Variants in SPOCK2 observed in about 807,000 individuals in gnomAD.
SPOCK2 encodes testican-2.
Under a neutral mutation model 60.1 loss-of-function variants are expected in SPOCK2, and 39 were observed. The ratio of observed to expected loss-of-function variants is 0.65; its 90% CI spans 0.50 to 0.85. The LOEUF is 0.85. Among genes scored for constraint, SPOCK2 ranks in the 40% least tolerant of loss-of-function variants. The probability of loss-of-function intolerance (pLI) is 0.00; values close to 1 mark genes in which losing one functional copy is unlikely to be tolerated. For synonymous variants in SPOCK2, 217 were observed against 231.5 expected (o/e 0.94, Z 0.57); for missense variants, 523 against 567.4 (o/e 0.92, Z 0.80).
chr10:72,066,855 G>A (rs1395024091), intron 8 of SPOCK2, 47 bp downstream of exon 8: 1 of 1,605,830 alleles, frequency 6.2e-7, no homozygotes, highest in Non-Finnish European at 8.5e-7. Context: ...ACTTCGGGTA[G>A]AGCCCACACG....
At chr10:72,077,786 G>A (rs190764149) in intron 1 of SPOCK2, among the ~76,000 whole-genome samples, 8 of 152,204 alleles carry the variant, frequency 5.3e-5, no homozygotes, top group East Asian at 1.9e-4. Context: ...CCTGGAGCAC[G>A]CTTACCGTGC....
intron 4 of SPOCK2, among the ~76,000 whole-genome samples, chr10:72,070,970 TCCA>T (rs1202513116): frequency 6.6e-6 from 1 of 152,142 alleles, no homozygotes; most frequent in Non-Finnish European, 1.5e-5. Flanking sequence ...CTGCCTGCTT[TCCA>T]CCACACCTGT....
At chr10:72,075,844 C>A (rs953183130) in intron 1 of SPOCK2, among the ~76,000 whole-genome samples, 1 of 152,126 alleles carries the variant, frequency 6.6e-6, no homozygotes, top group Non-Finnish European at 1.5e-5. Context: ...CAGAGAGGGA[C>A]GAGGAGAGCA....
In SPOCK2 at chr10:72,067,608, C is replaced by T. The variant is rs1840587541; in HGVS notation, c.709+5G>A. The T allele has an allele frequency of 1.2e-6, 2 of 1,612,342 alleles. No homozygotes were observed. Among genetic ancestry groups the T allele is most frequent in the Non-Finnish European group, 1.7e-6 (2 of 1,179,994 alleles). On this transcript the variant is annotated splice_donor_5th_base_variant and intron_variant, in intron 7 of 10. Transcript: ENST00000373109. ...CTCCTCCAGGCAGAGCAGCAAGCTT[C>T]CTACCGCTGGCCGGGCCGGCTACAC...
rs1305476140 is a variant in SPOCK2, at chr10:72,087,574, C to T, written c.189+566G>A. ...TTCCACCATCTCGCCTAGAAGGCTG[C>T]TGGGACCCCAGACCCAGAGCCCCGG... is the stretch of plus-strand genomic sequence containing the variant. On this transcript the variant is annotated intron_variant, in intron 1 of 10. Transcript: ENST00000373109. The surrounding 1 kb of genome is among the most constrained non-coding windows in gnomAD (Gnocchi z 4.7). 6.6e-6 allele frequency among the ~76,000 whole-genome samples: 1 copy of T among 152,178 alleles called. No homozygotes were observed. Among genetic ancestry groups the T allele is most frequent in the African/African-American group, 2.4e-5 (1 of 41,450 alleles).
intron 1 of SPOCK2, among the ~76,000 whole-genome samples, chr10:72,085,448 C>T (rs1840841950): frequency 6.6e-6 from 1 of 152,242 alleles, no homozygotes; most frequent in African/African-American, 2.4e-5. Flanking sequence ...CTAAGCTGCG[C>T]TCCCTCTCAA....
In SPOCK2 at chr10:72,087,083, G is replaced by T; in HGVS notation, c.189+1057C>A. 7.0e-7 allele frequency: 1 copy of T among 1,419,094 alleles called. No homozygotes were observed. The highest frequency in any genetic ancestry group is 9.5e-7 in the Non-Finnish European group (1 of 1,056,612). 87.9% of individuals were successfully genotyped at this position (1,419,094 alleles called of 1,614,324 possible). ...CACCAGGTCGCCAGGAGCAGCCGGC[G>T]TCGCCTCTGGCGCATCCGGGCCCAT... On this transcript the variant is annotated intron_variant, in intron 1 of 10. Transcript: ENST00000373109. This position sits in a 1 kb window ranked among gnomAD's most constrained non-coding sequence, Gnocchi z 4.7.
At chr10:72,064,145 C>T (rs1840534042) in intron 9 of SPOCK2, 33 bp downstream of exon 9, 2 of 1,609,098 alleles carry the variant, frequency 1.2e-6, no homozygotes, top group Non-Finnish European at 8.5e-7. Flanking sequence ...CCGTCCCCAC[C>T]TCCTCCTCTG....
At chr10:72,078,648 C>T (rs1379464110) in intron 1 of SPOCK2, among the ~76,000 whole-genome samples, 2 of 152,154 alleles carry the variant, frequency 1.3e-5, no homozygotes, top group Admixed American at 6.5e-5. Context: ...TTGATCTCTC[C>T]CTGGCTACCC....
intron 5 of SPOCK2, chr10:72,068,749 G>A (rs56271715): frequency 5.9e-6 from 1 of 169,538 alleles, no homozygotes; most frequent in South Asian, 1.6e-4. Flanking sequence ...ACTTTTCTCA[G>A]TTCTCCTGAT....
chr10:72,088,301 C>T lies in SPOCK2; in HGVS notation c.28G>A (p.Val10Met). 6.3e-7 allele frequency: 1 copy of T among 1,591,626 alleles called. No individual in the cohort carries two copies. Among genetic ancestry groups the T allele is most frequent in the Non-Finnish European group, 8.5e-7 (1 of 1,171,042 alleles). Reference protein sequence around the residue: MRAPGCGRLVLPLLLLAAAA... With the variant: MRAPGCGRLMLPLLLLAAAA... ...GCGGCCAGGAGCAGCAGCGGCAGCA[C>T]CAGCCGCCCGCAGCCCGGGGCGCGC... Residue 10 changes from valine (V) to methionine (M), a missense_variant, in exon 1 of 11, where the codon GTG (valine) becomes ATG (methionine). Coordinates refer to ENST00000373109, the MANE Select transcript of SPOCK2 (RefSeq NM_001244950.2).
rs943769780 is a variant in SPOCK2 at position 72,066,935 on chromosome 10, T to C, written c.895A>G (p.Thr299Ala). 4 of 1,614,010 alleles carry C rather than the reference T, an allele frequency of 2.5e-6. No individual in the cohort carries two copies. Among genetic ancestry groups the C allele is most frequent in the Non-Finnish European group, 3.4e-6 (4 of 1,180,038 alleles). Residue 299 changes from threonine (T) to alanine (A), a missense_variant, in exon 8 of 11, where the codon ACT becomes GCT. Transcript: ENST00000373109. ...CAGAAGCAGAAGCACCACTCAGCAG[T>C]AGAGACCCGGCCATCCTTGTAGGTG... ...CDTYKDGRVS[T>A]AEWCFCFWRE...
Position 72,064,159 on chromosome 10 carries a change from G to T in SPOCK2, c.991+19C>A. On this transcript the variant is annotated intron_variant, in intron 9 of 10. Coordinates refer to ENST00000373109, the MANE Select transcript of SPOCK2 (RefSeq NM_001244950.2). ...GCCGTCCCCACCTCCTCCTCTGAGA[G>T]CCTGGTCTGGCCCCTCACCTGGCTT... is the stretch of plus-strand genomic sequence containing the variant. The T allele has an allele frequency of 1.9e-6, 3 of 1,611,700 alleles. No individual in the cohort carries two copies. The highest frequency in any genetic ancestry group is 2.5e-6 in the Non-Finnish European group (3 of 1,179,246).
intron 9 of SPOCK2, 137 bp from the exon 10 acceptor site, chr10:72,063,299 C>T: frequency 7.8e-7 from 1 of 1,278,904 alleles, no homozygotes. Flanking sequence ...GCTGACCCCC[C>T]AACAGGCCCA....
chr10:72,087,080 G>A lies in SPOCK2; in HGVS notation c.189+1060C>T, dbSNP rs1259512877. 14 of 1,442,148 alleles carry A rather than the reference G, an allele frequency of 9.7e-6. No individual in the cohort carries two copies. Among genetic ancestry groups the A allele is most frequent in the Non-Finnish European group, 1.3e-5 (14 of 1,075,250 alleles). The allele number at this position is 1,442,148 out of a possible 1,614,324, so 89.3% of individuals were successfully genotyped here. On this transcript the variant is annotated intron_variant, in intron 1 of 10. Transcript: ENST00000373109. This position sits in a 1 kb window ranked among gnomAD's most constrained non-coding sequence, Gnocchi z 4.7. ...GAGCACCAGGTCGCCAGGAGCAGCC[G>A]GCGTCGCCTCTGGCGCATCCGGGCC...
chr10:72,086,670 G>T, intron 1 of SPOCK2: 1 of 1,281,958 alleles, frequency 7.8e-7, no homozygotes, highest in Non-Finnish European at 1.0e-6. Flanking sequence ...CGGCTGGACA[G>T]GTCGCATGTG....
At position 72,068,217 on chromosome 10, in the gene SPOCK2, C is replaced by T. The variant is rs1367274239; in HGVS notation, c.559G>A (p.Ala187Thr). Residue 187 changes from alanine (A) to threonine (T), a missense_variant, in exon 6 of 11, where the codon GCT becomes ACT. Transcript: ENST00000373109. The stretch of plus-strand genomic sequence containing the variant: ...TTGCCATCGGCGGTGGAGGTGGCAG[C>T]CTGCTCCGTGGGGCAGGGGCAGGGG... ...EGPCPCPTEQ[A>T]ATSTADGKPE... 2 of 1,608,534 alleles carry T rather than the reference C, an allele frequency of 1.2e-6. No homozygotes were observed. Among genetic ancestry groups the T allele is most frequent in the Non-Finnish European group, 1.7e-6 (2 of 1,177,114 alleles).
Position 72,088,194 on chromosome 10 carries a change from C to T in SPOCK2, c.135G>A (p.Leu45=). 1 of 1,613,166 alleles carries T rather than the reference C, an allele frequency of 6.2e-7. No individual in the cohort carries two copies. The highest frequency in any genetic ancestry group is 8.5e-7 in the Non-Finnish European group (1 of 1,179,718). The change falls in exon 1 of 11, where the codon CTG becomes CTA. Residue 45 remains leucine (L), a synonymous_variant. Coordinates refer to ENST00000373109, the MANE Select transcript of SPOCK2 (RefSeq NM_001244950.2). ...TGCCGCTGTACTGCGAGATGGACGA[C>T]AGCCATTGCTCGTCCTCCATGAAAT... The part of the protein sequence containing the change: ...PGNFMEDEQW[L]SSISQYSGKI...
rs1406973048 is a variant in SPOCK2, at chr10:72,067,710, C to T, written c.612G>A (p.Leu204=). 3.7e-6 allele frequency: 6 copies of T among 1,613,706 alleles called. No homozygotes were observed. Among genetic ancestry groups the T allele is most frequent in the Non-Finnish European group, 5.1e-6 (6 of 1,179,924 alleles). ...GKPETCTGQD[L]ADLGDRLRDW... ...CCCGCAGCCGATCTCCCAGGTCAGC[C>T]AGGTCCTGACCGGTGCAAGTCTCTG... Residue 204 remains leucine, a synonymous_variant, in exon 7 of 11, where the codon CTG becomes CTA. Coordinates refer to ENST00000373109, the MANE Select transcript of SPOCK2 (RefSeq NM_001244950.2).
Sources: gnomAD v4.1 joint callset for allele counts (sites outside exome capture counted in the v4.1 genomes callset) on GRCh38, gnomAD v4.1.1 for gene constraint, Gnocchi (gnomAD v3.1) non-coding constraint, MANE v1.5 for transcripts, NCBI Gene and HGNC (gene_info 2026-07-23, HGNC 2026-07-21) for gene names.